The following BTAF1 variants were observed in gnomAD, a reference collection of about 807,000 sequenced individuals.
BTAF1 encodes the protein TATA-binding protein-associated factor 172.
Under a neutral mutation model 227.1 loss-of-function variants are expected in BTAF1, and 38 were observed. The ratio of observed to expected loss-of-function variants is 0.17; its 90% CI spans 0.13 to 0.22. The LOEUF is 0.22. Among genes scored for constraint, BTAF1 ranks in the 10% least tolerant of loss-of-function variants. The pLI is 1.00. For missense variants in BTAF1, 1,598 were observed against 2,204.0 expected (o/e 0.73, Z 5.51); for synonymous variants, 742 against 751.9 (o/e 0.99, Z 0.21).
In BTAF1 at chr10:91,975,752, G is replaced by A. The variant is rs1164864353; in HGVS notation, c.1651-4702G>A. ...CCTTTTTTCTGAGTGTACCCATTTTGTGGGAAGATAAAAGAGGGACCGTAA... is the reference window on the plus strand; with the variant it reads ...CCTTTTTTCTGAGTGTACCCATTTTATGGGAAGATAAAAGAGGGACCGTAA... On this transcript the variant is annotated intron_variant, in intron 14 of 37. Transcript: ENST00000265990. 2.6e-5 allele frequency among the ~76,000 whole-genome samples: 4 copies of A among 152,174 alleles called. No homozygotes were observed. The East Asian group carries it at 5.8e-4, about 22-fold the overall frequency.
At chr10:91,945,425 C>T (rs939478991) in intron 4 of BTAF1, among the ~76,000 whole-genome samples, 21 of 152,086 alleles carry the variant, frequency 1.4e-4, no homozygotes, top group Non-Finnish European at 2.9e-4. Flanking sequence ...ACTGAAACTA[C>T]CTATTAAACG....
chr10:91,982,028 C>T, intron 16 of BTAF1, 55 bp from the exon 17 acceptor site: 1 of 1,542,326 alleles, frequency 6.5e-7, no homozygotes, highest in Non-Finnish European at 8.7e-7. Context: ...TTTGTTGTTG[C>T]CTATTCAGTT....
intron 25 of BTAF1, among the ~76,000 whole-genome samples, chr10:92,004,728 C>T (rs1201364640): frequency 2.0e-5 from 3 of 152,180 alleles, no homozygotes; most frequent in Non-Finnish European, 4.4e-5. Context: ...GCCTCAGTCT[C>T]CCAAAGTGCT....
intron 14 of BTAF1, among the ~76,000 whole-genome samples, chr10:91,969,364 A>G (rs917394092): frequency 1.3e-5 from 2 of 152,188 alleles, no homozygotes; most frequent in Admixed American, 6.5e-5. Flanking sequence ...AGCTATTAAA[A>G]TGACTGCCAC....
At chr10:91,962,895 G>A (rs1846620963) in intron 12 of BTAF1, among the ~76,000 whole-genome samples, 1 of 151,772 alleles carries the variant, frequency 6.6e-6, no homozygotes, top group Non-Finnish European at 1.5e-5. Flanking sequence ...TAATATATAG[G>A]GAACTTCCTT....
chr10:92,027,270 T>C lies in BTAF1; in HGVS notation c.5376T>C (p.Asp1792=). 6.2e-7 allele frequency: 1 copy of C among 1,613,336 alleles called. No individual in the cohort carries two copies. ...ENSSLQSMGT[D]QLLDLFTLDK... is the part of the protein sequence containing the mutation. ...CTAGTTTGCAGAGCATGGGGACTGATCAGCTTCTTGATCTGTTTACTCTTG... is the reference window on the plus strand; with the variant it reads ...CTAGTTTGCAGAGCATGGGGACTGACCAGCTTCTTGATCTGTTTACTCTTG... The change falls in exon 37 of 38, where the codon GAT becomes GAC. Residue 1792 remains aspartate, a synonymous_variant. Coordinates refer to ENST00000265990, the MANE Select transcript of BTAF1 (RefSeq NM_003972.3).
At chr10:91,984,860 A>G (rs563235473) in intron 19 of BTAF1, among the ~76,000 whole-genome samples, 6 of 152,304 alleles carry the variant, frequency 3.9e-5, no homozygotes, top group African/African-American at 1.4e-4. Context: ...ATACGTATTC[A>G]CCTGCCTACC....
In BTAF1 at chr10:91,929,801, C is replaced by T. The variant is rs577473939; in HGVS notation, c.14+5711C>T. 9.6e-5 allele frequency among the ~76,000 whole-genome samples: 14 copies of T among 146,324 alleles called. No homozygotes were observed. The East Asian group carries it at 1.6e-3, about 17-fold the overall frequency. ...AAACTCTTGCCTCAAGCATTCCTCC[C>T]GCATTGGCCTCCCAAATGCTGGGAT... On this transcript the variant is annotated intron_variant, in intron 1 of 37. Coordinates refer to ENST00000265990, the MANE Select transcript of BTAF1 (RefSeq NM_003972.3).
chr10:91,953,794 C>G lies in BTAF1; in HGVS notation c.622C>G (p.Gln208Glu). Residue 208 changes from glutamine (Q) to glutamate (E), a missense_variant, in exon 6 of 38, where the codon CAA becomes GAA. Transcript: ENST00000265990. The stretch of plus-strand genomic sequence containing the variant: ...GTTTCGAGCAGGAATGAGCAATAGA[C>G]AAAAGAACAAAGCTAAAAGAATGGC... ...SEFRAGMSNR[Q>E]KNKAKRMAKL... 6.2e-7 allele frequency: 1 copy of G among 1,613,956 alleles called. No homozygotes were observed. Among genetic ancestry groups the G allele is most frequent in the Non-Finnish European group, 8.5e-7 (1 of 1,179,944 alleles).
chr10:91,942,558 T>C lies in BTAF1; in HGVS notation c.390T>C (p.Asp130=), dbSNP rs1436975147. ...CTGGTGCCGAATTTGAAGTCCAAGA[T>C]GAAAAATCAGGTCTGTAGTGGTTCT... ...GSAGAEFEVQ[D]EKSGEVDPKE... Residue 130 remains aspartate (D), a synonymous_variant, in exon 4 of 38, where the codon GAT becomes GAC. Coordinates refer to ENST00000265990, the MANE Select transcript of BTAF1 (RefSeq NM_003972.3). 6.2e-7 allele frequency: 1 copy of C among 1,613,842 alleles called. No individual in the cohort carries two copies. The highest frequency in any genetic ancestry group is 2.2e-5 in the East Asian group (1 of 44,866).
chr10:91,982,066 T>C lies in BTAF1; in HGVS notation c.1906-17T>C, dbSNP rs1036792450. 2 of 1,598,502 alleles carry C rather than the reference T, an allele frequency of 1.3e-6. No homozygotes were observed. The highest frequency in any genetic ancestry group is 1.7e-6 in the Non-Finnish European group (2 of 1,173,398). ...AATGGTTAATCTTTATTGTTTTTTT[T>C]TCCCCTCCCTCTGTAGGAAAAAACA... On this transcript the variant is annotated splice_polypyrimidine_tract_variant and intron_variant, in intron 16 of 37. Coordinates refer to ENST00000265990, the MANE Select transcript of BTAF1 (RefSeq NM_003972.3).
At chr10:91,985,297 A>ATG (rs1848330820) in intron 19 of BTAF1, among the ~76,000 whole-genome samples, 1 of 150,634 alleles carries the variant, frequency 6.6e-6, no homozygotes, top group East Asian at 1.9e-4. Flanking sequence ...AATCTGTGTT[A>ATG]TATATATATA....
In BTAF1 at chr10:91,935,798, T is replaced by TC; in HGVS notation, c.138+19dup. 1 of 1,584,918 alleles carries TC rather than the reference T, an allele frequency of 6.3e-7. No individual in the cohort carries two copies. The highest frequency in any genetic ancestry group is 8.6e-7 in the Non-Finnish European group (1 of 1,162,172). On this transcript the variant is annotated intron_variant, in intron 2 of 37. Coordinates refer to ENST00000265990, the MANE Select transcript of BTAF1 (RefSeq NM_003972.3). ...TGTCTAAAGTAAGAACTTTTTTTTT[T>TC]CTTTTAGCATAATACAATTGTAGAG...
chr10:92,001,647 C>T (rs1163189634), intron 25 of BTAF1, among the ~76,000 whole-genome samples: 2 of 151,912 alleles, frequency 1.3e-5, no homozygotes, highest in African/African-American at 4.8e-5. Context: ...AAAGCCTCAA[C>T]ATATTTAAAG....
In BTAF1 at chr10:92,030,283, T is replaced by A. The variant is rs1246648708; in HGVS notation, c.*1350T>A. 3 of 152,572 alleles carry A rather than the reference T, an allele frequency of 2.0e-5. No homozygotes were observed. Among genetic ancestry groups the A allele is most frequent in the African/African-American group, 7.2e-5 (3 of 41,456 alleles). The allele number at this position is 152,572 out of a possible 1,614,324, so 9.5% of individuals were successfully genotyped here. On this transcript the variant is annotated 3_prime_UTR_variant, in exon 38 of 38. Coordinates refer to ENST00000265990, the MANE Select transcript of BTAF1 (RefSeq NM_003972.3). The stretch of plus-strand genomic sequence containing the variant: ...GACAACCATACTGTAACATTAAACC[T>A]AGCATTCCACAAGAGAATAAATATA...
At chr10:91,986,807 A>G (rs1848422804) in intron 19 of BTAF1, among the ~76,000 whole-genome samples, 2 of 152,156 alleles carry the variant, frequency 1.3e-5, no homozygotes, top group Non-Finnish European at 2.9e-5. Context: ...GCTAGAAGAT[A>G]AGCATAAATA....
At chr10:91,925,801 C>T (rs569973603) in intron 1 of BTAF1, among the ~76,000 whole-genome samples, 1 of 152,146 alleles carries the variant, frequency 6.6e-6, no homozygotes, top group Admixed American at 6.5e-5. Context: ...TGAGCCACCG[C>T]GCCCAGCCAA....
At chr10:92,001,157 A>G (rs981348582) in intron 25 of BTAF1, among the ~76,000 whole-genome samples, 2 of 152,238 alleles carry the variant, frequency 1.3e-5, no homozygotes, top group Admixed American at 6.5e-5. Flanking sequence ...GTCTGGAGGC[A>G]TAGCACAGAG....
Position 92,011,103 on chromosome 10 carries a change from A to C in BTAF1, c.4134A>C (p.Leu1378=). 6.2e-7 allele frequency: 1 copy of C among 1,607,044 alleles called. No individual in the cohort carries two copies. The highest frequency in any genetic ancestry group is 1.1e-5 in the South Asian group (1 of 88,734). ...RLQHQVKRHN[L]IVASYDVVRN... ...AGCACCAAGTAAAAAGGCACAATCT[A>C]ATAGTGGCTTCATATGATGTTGTGA... Residue 1378 remains leucine (L), a synonymous_variant, in exon 29 of 38, where the codon CTA becomes CTC. Coordinates refer to ENST00000265990, the MANE Select transcript of BTAF1 (RefSeq NM_003972.3).
Sources: allele counts gnomAD v4.1 joint callset (sites outside exome capture counted in the v4.1 genomes callset), GRCh38; gene constraint gnomAD v4.1.1; transcripts MANE v1.5; gene names NCBI Gene and HGNC (gene_info 2026-07-23, HGNC 2026-07-21).